ARHGEF26: variants seen among roughly 807,000 people sequenced by gnomAD.
The protein encoded by ARHGEF26 is Rho guanine nucleotide exchange factor (GEF) 26.
ARHGEF26 carries 59 observed loss-of-function variants against 89.4 expected under a neutral mutation model. The observed-to-expected ratio is 0.66, with a 90% CI of 0.54 to 0.82. ARHGEF26 has a LOEUF of 0.82. ARHGEF26 is among the 40% of genes least tolerant of loss of function. ARHGEF26 has a pLI of 0.00. For missense variants in ARHGEF26, 1,234 were observed against 1,085.6 expected, an observed-to-expected ratio of 1.14 and a Z score of -1.92; for synonymous variants, 500 against 428.4, an observed-to-expected ratio of 1.17 and a Z score of -2.06.
At chr3:154,211,590 A>G (rs532523742) in intron 9 of ARHGEF26, among the ~76,000 whole-genome samples, 2 of 152,146 alleles carry the variant, frequency 1.3e-5, no homozygotes, top group Non-Finnish European at 2.9e-5. Context: ...AGCAATACGA[A>G]GATAAAACCA....
chr3:154,230,489 A>C (rs1036660545), intron 11 of ARHGEF26, among the ~76,000 whole-genome samples: 3 of 152,162 alleles, frequency 2.0e-5, no homozygotes, highest in Non-Finnish European at 2.9e-5. Flanking sequence ...ATAGAAACTT[A>C]CAACTTTTTT....
intron 11 of ARHGEF26, among the ~76,000 whole-genome samples, chr3:154,233,179 C>T (rs145096982): frequency 2.0e-5 from 3 of 152,080 alleles, no homozygotes; most frequent in African/African-American, 7.2e-5. Flanking sequence ...TCTACTCTTA[C>T]CTGCTGTGCC....
At chr3:154,135,726 A>C (rs1718963789) in intron 4 of ARHGEF26, among the ~76,000 whole-genome samples, 1 of 152,246 alleles carries the variant, frequency 6.6e-6, no homozygotes, top group African/African-American at 2.4e-5. Flanking sequence ...TACTTGTTAC[A>C]GTTAATGCCA....
At chr3:154,126,743 C>A (rs1374996777) in intron 3 of ARHGEF26, among the ~76,000 whole-genome samples, 1 of 152,102 alleles carries the variant, frequency 6.6e-6, no homozygotes, top group Non-Finnish European at 1.5e-5. Flanking sequence ...CTAGACATAC[C>A]CAAGCTTTTG....
chr3:154,124,475 C>G, intron 3 of ARHGEF26, 26 bp downstream of exon 3: 1 of 1,506,700 alleles, frequency 6.6e-7, no homozygotes, highest in Non-Finnish European at 8.8e-7. Context: ...TCCAAACTTT[C>G]ATTGCTGTTT....
In ARHGEF26 at chr3:154,165,841, G is replaced by T. The variant is rs145456414; in HGVS notation, c.1487+12909G>T. On this transcript the variant is annotated intron_variant, in intron 6 of 14. Coordinates refer to ENST00000465093, the MANE Select transcript of ARHGEF26 (RefSeq NM_015595.4). ...AGCTCACACTGGAGAATTCTTTTTC[G>T]TACCATTGCTTTTTCTAAACAATAA... Among the ~76,000 whole-genome samples the T allele has an allele frequency of 1.5e-4, 23 of 152,140 alleles. No individual in the cohort carries two copies. In the East Asian group the frequency reaches 4.3e-3, roughly 28 times the overall value.
At chr3:154,128,669 C>T (rs1248967340) in intron 3 of ARHGEF26, among the ~76,000 whole-genome samples, 10 of 152,182 alleles carry the variant, frequency 6.6e-5, no homozygotes, top group Non-Finnish European at 1.3e-4. Context: ...CTTGCTGTGT[C>T]CCTGATGAGA....
intron 6 of ARHGEF26, among the ~76,000 whole-genome samples, chr3:154,177,387 T>C (rs1456617876): frequency 1.3e-5 from 2 of 152,188 alleles, no homozygotes; most frequent in East Asian, 3.9e-4. Context: ...GAAACCATTA[T>C]TTCCTCTTAC....
chr3:154,156,156 G>GTTTCCTTGT (rs1359022630), intron 6 of ARHGEF26, among the ~76,000 whole-genome samples: 5 of 151,954 alleles, frequency 3.3e-5, no homozygotes, highest in African/African-American at 1.2e-4. Flanking sequence ...AAGGAAATGA[G>GTTTCCTTGT]AAACAAGCAG....
chr3:154,136,981 C>T (rs1719047981), intron 4 of ARHGEF26, among the ~76,000 whole-genome samples: 1 of 152,132 alleles, frequency 6.6e-6, no homozygotes, highest in Admixed American at 6.6e-5. Context: ...CATACTAGTC[C>T]ACATTTTCAA....
chr3:154,211,843 GTA>G (rs1195640305), intron 9 of ARHGEF26, among the ~76,000 whole-genome samples: 2 of 133,104 alleles, frequency 1.5e-5, no homozygotes, highest in African/African-American at 3.0e-5. Context: ...AGAAAATAAT[GTA>G]TATGTGTGTG....
rs1322103310 is a variant in ARHGEF26, at chr3:154,219,785, G to A, written c.1935+1827G>A. Among the ~76,000 whole-genome samples the A allele has an allele frequency of 2.6e-5, 4 of 151,826 alleles. No homozygotes were observed. The East Asian group carries it at 5.8e-4, about 22-fold the overall frequency. On this transcript the variant is annotated intron_variant, in intron 10 of 14. Coordinates refer to ENST00000465093, the MANE Select transcript of ARHGEF26 (RefSeq NM_015595.4). ...AAAAATTAGCCGGGCGTGGTGGCGG[G>A]CACCTGTAGTCCCAGCTACTCGGGA...
At position 154,191,360 on chromosome 3, in the gene ARHGEF26, T is replaced by C; in HGVS notation, c.1712T>C (p.Met571Thr). 1.2e-6 allele frequency: 2 copies of C among 1,613,866 alleles called. No homozygotes were observed. The highest frequency in any genetic ancestry group is 1.6e-4 in the Middle Eastern group (1 of 6,062). The change falls in exon 8 of 15, where the codon ATG becomes ACG. Residue 571 changes from methionine to threonine, a missense_variant. Physicochemically the swap from Met to Thr is moderately conservative, Grantham distance 81. Coordinates refer to ENST00000465093, the MANE Select transcript of ARHGEF26 (RefSeq NM_015595.4). ...CATGAAGACTGTAGGAACTTACCCA[T>C]GATCTCTTTTCTCATTCTCCCCATG... is the stretch of plus-strand genomic sequence containing the variant. Reference protein sequence around the residue: ...ESHEDCRNLPMISFLILPMQR... With the variant: ...ESHEDCRNLPTISFLILPMQR...
intron 14 of ARHGEF26, 86 bp from the exon 15 acceptor site, chr3:154,255,245 T>C: frequency 7.1e-7 from 1 of 1,406,328 alleles, no homozygotes; most frequent in Non-Finnish European, 9.8e-7. Flanking sequence ...TGGGGAGGGA[T>C]GCTGCCTCTC....
At chr3:154,197,270 T>A (rs112343933) in intron 9 of ARHGEF26, among the ~76,000 whole-genome samples, 2,550 of 152,282 alleles carry the variant, frequency 0.017, 64 homozygotes, top group African/African-American at 0.058. Context: ...ATCGTTGATA[T>A]AGTCAGCTCA....
chr3:154,244,275 G>A (rs1559924269), intron 12 of ARHGEF26, among the ~76,000 whole-genome samples: 2 of 152,158 alleles, frequency 1.3e-5, no homozygotes, highest in South Asian at 4.1e-4. Flanking sequence ...CAGTAGGAGG[G>A]GTGCAGCTGT....
At chr3:154,132,922 A>G (rs748891232) in intron 4 of ARHGEF26, among the ~76,000 whole-genome samples, 1 of 152,112 alleles carries the variant, frequency 6.6e-6, no homozygotes. Flanking sequence ...TCTTAAAGAC[A>G]AGGGGTTTTC....
rs1714649146 is a variant in ARHGEF26, at chr3:154,201,661, A to G, written c.1845+6943A>G. ...CCTATTTCTCCACATCCTCTCCAGC[A>G]CCTGTTGTTTCCTGACTTTTTAATG... is the stretch of plus-strand genomic sequence containing the variant. On this transcript the variant is annotated intron_variant, in intron 9 of 14. Transcript: ENST00000465093. Among the ~76,000 whole-genome samples, 3 of 150,432 alleles carry G rather than the reference A, an allele frequency of 2.0e-5. No individual in the cohort carries two copies. The South Asian group carries it at 6.3e-4, about 31-fold the overall frequency.
intron 14 of ARHGEF26, 148 bp from the exon 15 acceptor site, chr3:154,255,183 C>T (rs1309317488): frequency 2.5e-6 from 2 of 785,358 alleles, no homozygotes; most frequent in African/African-American, 3.5e-5. Context: ...CATTCATTCC[C>T]CCTCGAAAGC....
Sources: allele counts gnomAD v4.1 joint callset (sites outside exome capture counted in the v4.1 genomes callset), GRCh38; gene constraint gnomAD v4.1.1; transcripts MANE v1.5; gene names NCBI Gene and HGNC (gene_info 2026-07-23, HGNC 2026-07-21).